The following PCGF5 variants were observed in gnomAD, a reference collection of about 807,000 sequenced individuals.
The protein encoded by PCGF5 is polycomb group ring finger 5.
PCGF5 carries 9 observed loss-of-function variants against 44.3 expected under a neutral mutation model. That is an observed-to-expected ratio of 0.20 (90% CI 0.12 to 0.35). The LOEUF (loss-of-function observed/expected upper bound fraction) is 0.35, where lower values mean the gene tolerates loss of function less well. Ranked by LOEUF, PCGF5 falls within the 10% of genes least tolerant of loss-of-function variation. The probability of loss-of-function intolerance (pLI) is 1.00; values close to 1 mark genes in which losing one functional copy is unlikely to be tolerated. For missense variants in PCGF5, 146 were observed against 305.3 expected (o/e 0.48, Z 3.89); for synonymous variants, 95 against 102.5 (o/e 0.93, Z 0.44).
intron 9 of PCGF5, among the ~76,000 whole-genome samples, chr10:91,276,166 A>G (rs1029184788): frequency 2.0e-5 from 3 of 151,806 alleles, no homozygotes; most frequent in South Asian, 2.1e-4. Context: ...TTATTATGGT[A>G]GTTATCTTTG....
intron 7 of PCGF5, among the ~76,000 whole-genome samples, chr10:91,263,982 G>C (rs1368939759): frequency 3.3e-5 from 5 of 152,098 alleles, no homozygotes; most frequent in Non-Finnish European, 7.4e-5. Flanking sequence ...CTAATAAGAA[G>C]ATAGTAACCC....
intron 2 of PCGF5, among the ~76,000 whole-genome samples, chr10:91,226,081 A>C (rs1844826719): frequency 6.6e-6 from 1 of 152,100 alleles, no homozygotes; most frequent in African/African-American, 2.4e-5. Context: ...CAAAGTCTAC[A>C]ATGTTATGAT....
At chr10:91,250,108 T>A (rs576883536) in intron 5 of PCGF5, among the ~76,000 whole-genome samples, 2 of 152,152 alleles carry the variant, frequency 1.3e-5, no homozygotes, top group Non-Finnish European at 2.9e-5. Flanking sequence ...TTTAAAGTAT[T>A]TCTGGTATTT....
At chr10:91,164,354 A>G (rs1323183734) in intron 1 of PCGF5, among the ~76,000 whole-genome samples, 1 of 152,182 alleles carries the variant, frequency 6.6e-6, no homozygotes, top group Non-Finnish European at 1.5e-5. Context: ...ACATTCCCCA[A>G]GGCTTGTTTT....
chr10:91,255,737 C>T (rs182197057), intron 6 of PCGF5, among the ~76,000 whole-genome samples: 136 of 152,070 alleles, frequency 8.9e-4, no homozygotes, highest in African/African-American at 3.1e-3. Flanking sequence ...CTAGTTTCAA[C>T]AACAACAACA....
chr10:91,220,789 A>G lies in PCGF5; in HGVS notation c.-231A>G. 1 of 153,626 alleles carries G rather than the reference A, an allele frequency of 6.5e-6. No homozygotes were observed. The highest frequency in any genetic ancestry group is 1.4e-5 in the Non-Finnish European group (1 of 69,510). 9.5% of individuals were successfully genotyped at this position (153,626 alleles called of 1,614,324 possible). ...TTCTGTTTCACTTTCCTTCACTCTG[A>G]GGCCGGCGCGCTGGCGGGCGAGGAG... is the stretch of plus-strand genomic sequence containing the variant. On this transcript the variant is annotated 5_prime_UTR_variant, in exon 1 of 10. Transcript: ENST00000336126.
chr10:91,156,938 A>G, the PCGF5 span, among the ~76,000 whole-genome samples: 1 of 152,216 alleles, frequency 6.6e-6, no homozygotes, highest in Non-Finnish European at 1.5e-5. Flanking sequence ...ATTTCCATGT[A>G]ACAGAATGGT....
intron 1 of PCGF5, among the ~76,000 whole-genome samples, chr10:91,189,557 T>C (rs1334557662): frequency 6.6e-6 from 1 of 152,278 alleles, no homozygotes; most frequent in Admixed American, 6.5e-5. Flanking sequence ...ATTTCTATTC[T>C]AATATACCCT....
chr10:91,214,764 G>T (rs1844512044), intron 1 of PCGF5, among the ~76,000 whole-genome samples: 1 of 152,200 alleles, frequency 6.6e-6, no homozygotes, highest in South Asian at 2.1e-4. Context: ...AATGATGATT[G>T]CATTGGGTCT....
intron 1 of PCGF5, among the ~76,000 whole-genome samples, chr10:91,207,324 A>G (rs890697328): frequency 1.3e-5 from 2 of 152,190 alleles, no homozygotes; most frequent in African/African-American, 4.8e-5. Flanking sequence ...CAGCTTCTTG[A>G]GAAATTCAAA....
rs1192011790 is a variant in PCGF5 at position 91,284,326 on chromosome 10, C to T, written c.*6010C>T. ...TTGCAGCCTTCATTAAAAATATCTC[C>T]TTTAAGTACTAGTCCTGTAGCAAAT... On this transcript the variant is annotated 3_prime_UTR_variant, in exon 10 of 10. Transcript: ENST00000336126. 2 of 152,550 alleles carry T rather than the reference C, an allele frequency of 1.3e-5. No individual in the cohort carries two copies. The allele number at this position is 152,550 out of a possible 1,614,324, so 9.4% of individuals were successfully genotyped here.
At position 91,166,454 on chromosome 10, in the gene PCGF5, C is replaced by T. The variant is rs534357027; in HGVS notation, c.-184+3373C>T. ...TTTCCACATTGAAGAAGTTTTCTGA[C>T]AACAGAATTAGATATTGGCAGTAAA... On this transcript the variant is annotated intron_variant, in intron 1 of 9. Coordinates refer to the PCGF5 transcript ENST00000614189. Among the ~76,000 whole-genome samples the T allele has an allele frequency of 3.9e-5, 6 of 152,288 alleles. No individual in the cohort carries two copies. In the East Asian group the frequency reaches 1.2e-3, roughly 29 times the overall value.
intron 1 of PCGF5, 87 bp downstream of exon 1, chr10:91,220,923 A>C (rs1844656608): frequency 6.6e-6 from 1 of 152,218 alleles, no homozygotes; most frequent in Non-Finnish European, 1.5e-5. Flanking sequence ...ACCTCCAGAC[A>C]CCTGCCCTGG....
chr10:91,258,629 G>A (rs911567996), intron 6 of PCGF5, among the ~76,000 whole-genome samples: 4 of 152,238 alleles, frequency 2.6e-5, no homozygotes, highest in Admixed American at 2.6e-4. Context: ...AAAATTGACA[G>A]GAAACCTTGG....
intron 6 of PCGF5, among the ~76,000 whole-genome samples, chr10:91,259,727 T>C (rs1245822330): frequency 1.1e-4 from 17 of 151,794 alleles, no homozygotes; most frequent in Non-Finnish European, 1.9e-4. Flanking sequence ...GGAAAGGATT[T>C]CCTATTTAAT....
At chr10:91,271,481 T>C (rs1300049056) in intron 8 of PCGF5, among the ~76,000 whole-genome samples, 157 bp from the exon 9 acceptor site, 1 of 152,210 alleles carries the variant, frequency 6.6e-6, no homozygotes, top group East Asian at 1.9e-4. Context: ...TATTAAAATC[T>C]TTTTTTCAAA....
chr10:91,173,578 C>CTTTTTTTTTTTTTTTT lies in PCGF5; in HGVS notation c.-184+10499_-184+10514dup, dbSNP rs59254639. Among the ~76,000 whole-genome samples, 14 of 115,636 alleles carry CTTTTTTTTTTTTTTTT rather than the reference C, an allele frequency of 1.2e-4. 1 individual carries two copies. The highest frequency in any genetic ancestry group is 1.1e-3 in the South Asian group (4 of 3,580). The allele number at this position is 115,636 out of a possible 152,430, so 75.9% of individuals were successfully genotyped here. On this transcript the variant is annotated intron_variant, in intron 1 of 9. Coordinates refer to the PCGF5 transcript ENST00000614189. ...TTATTCTTCTGCTAGAGGGAGTTGG[C>CTTTTTTTTTTTTTTTT]TTTTTTTTTTTTTTTTTCCCACAGA...
intron 4 of PCGF5, 40 bp downstream of exon 4, chr10:91,248,600 A>T (rs116235886): frequency 6.2e-7 from 1 of 1,604,306 alleles, no homozygotes; most frequent in Admixed American, 1.7e-5. Flanking sequence ...TTTGTGTTTT[A>T]TGAAATCAAC....
intron 1 of PCGF5, among the ~76,000 whole-genome samples, chr10:91,202,169 T>A (rs74149082): frequency 6.6e-6 from 1 of 152,368 alleles, no homozygotes; most frequent in East Asian, 1.9e-4. Flanking sequence ...CTTAGAACCA[T>A]GCCTTCGTAT....
Sources: allele counts gnomAD v4.1 joint callset (sites outside exome capture counted in the v4.1 genomes callset), GRCh38; gene constraint gnomAD v4.1.1; transcripts MANE v1.5; gene names NCBI Gene and HGNC (gene_info 2026-07-23, HGNC 2026-07-21).